Variants in CDKAL1 observed in about 807,000 individuals in gnomAD.
CDKAL1 encodes the protein threonylcarbamoyladenosine tRNA methylthiotransferase.
In CDKAL1, 32 loss-of-function variants were observed where a neutral mutation model predicts 68.2. That is an observed-to-expected ratio of 0.47 (90% CI 0.35 to 0.63). CDKAL1 has a LOEUF of 0.63. Among genes scored for constraint, CDKAL1 ranks in the 30% least tolerant of loss-of-function variants. The pLI, the probability that CDKAL1 is intolerant of heterozygous loss-of-function variation, is 0.00. For synonymous variants in CDKAL1, 234 were observed against 244.3 expected, an observed-to-expected ratio of 0.96 and a Z score of 0.39; for missense variants, 606 against 696.7, an observed-to-expected ratio of 0.87 and a Z score of 1.47.
At position 20,846,134 on chromosome 6, in the gene CDKAL1, A is replaced by T. The variant is rs1554129984; in HGVS notation, c.698A>T (p.Tyr233Phe). The change falls in exon 9 of 16, where the codon TAT becomes TTT. Residue 233 changes from tyrosine (Y) to phenylalanine (F), a missense_variant. By Grantham distance (22) the Tyr-to-Phe change is conservative (BLOSUM62 3). Coordinates refer to ENST00000274695, the MANE Select transcript of CDKAL1 (RefSeq NM_017774.3). Reference protein sequence around the residue: ...TKHARGNLASYPIDELVDRAK... With the variant: ...TKHARGNLASFPIDELVDRAK... ...CACGCCAGAGGAAATTTGGCCAGTT[A>T]TCCAATTGATGAACTAGTAGATAGA... 6.2e-7 allele frequency: 1 copy of T among 1,613,144 alleles called. No homozygotes were observed. The highest frequency in any genetic ancestry group is 8.5e-7 in the Non-Finnish European group (1 of 1,179,414).
At chr6:21,220,386 G>C (rs1298261433) in intron 15 of CDKAL1, among the ~76,000 whole-genome samples, 19 of 152,056 alleles carry the variant, frequency 1.2e-4, no homozygotes, top group Admixed American at 1.2e-3. Flanking sequence ...CCTTTTCTAC[G>C]TACCTCTCTT....
intron 7 of CDKAL1, among the ~76,000 whole-genome samples, chr6:20,760,451 C>T (rs912569399): frequency 1.3e-5 from 2 of 152,220 alleles, no homozygotes; most frequent in Non-Finnish European, 2.9e-5. Flanking sequence ...AAACACTTCA[C>T]ATGGGTTAAG....
intron 9 of CDKAL1, among the ~76,000 whole-genome samples, chr6:20,915,255 C>T (rs754049208): frequency 8.6e-5 from 13 of 151,912 alleles, no homozygotes; most frequent in Non-Finnish European, 1.6e-4. Flanking sequence ...ATGTATCAGT[C>T]AGAGATCTTC....
chr6:21,220,122 T>C (rs1282245207), intron 15 of CDKAL1, among the ~76,000 whole-genome samples: 1 of 152,210 alleles, frequency 6.6e-6, no homozygotes, highest in African/African-American at 2.4e-5. Flanking sequence ...ACTACTATCA[T>C]GAATGTTGGG....
chr6:20,719,832 AC>A (rs1484382350), intron 5 of CDKAL1, among the ~76,000 whole-genome samples: 1 of 152,108 alleles, frequency 6.6e-6, no homozygotes, highest in Non-Finnish European at 1.5e-5. Context: ...CACTCTCCTG[AC>A]TTTTATAATG....
intron 8 of CDKAL1, 105 bp downstream of exon 8, chr6:20,781,370 G>C: frequency 9.8e-7 from 1 of 1,017,496 alleles, no homozygotes; most frequent in Non-Finnish European, 1.4e-6. Flanking sequence ...CATTTTCTTG[G>C]GAAAGAAAAA....
intron 10 of CDKAL1, among the ~76,000 whole-genome samples, chr6:20,970,675 A>G (rs1765547903): frequency 6.6e-6 from 1 of 152,192 alleles, no homozygotes; most frequent in Non-Finnish European, 1.5e-5. Flanking sequence ...CAGGTTATTG[A>G]CAGCAAATGA....
rs9348435 is a variant in CDKAL1, at chr6:20,566,806, C to T, written c.286+18101C>T. 8.3e-3 allele frequency among the ~76,000 whole-genome samples: 1,261 copies of T among 152,082 alleles called. 27 individuals are homozygous for T. In the East Asian group the frequency reaches 0.1, roughly 12 times the overall value. On this transcript the variant is annotated intron_variant, in intron 4 of 15. Transcript: ENST00000274695. ...CTGTATGTGGTTCATAAATTCATGA[C>T]CTTAAGGTAGCAGAGACCAAGGCCT...
At chr6:21,125,470 C>G (rs1364594552) in intron 13 of CDKAL1, among the ~76,000 whole-genome samples, 1 of 152,040 alleles carries the variant, frequency 6.6e-6, no homozygotes, top group Non-Finnish European at 1.5e-5. Context: ...GTCGGGAGTT[C>G]GAGACCAGCC....
At position 20,955,603 on chromosome 6, in the gene CDKAL1, A is replaced by G. The variant is rs74748371; in HGVS notation, c.909+18A>G. 2.3e-4 allele frequency: 363 copies of G among 1,611,916 alleles called. 1 individual carries two copies. In the East Asian group the frequency reaches 8.0e-3, roughly 36 times the overall value. ...ATCTGGAGGTAAGGAAAAGCACCCTATTTGCATGCTAACATAGACACTAAC... is the reference window on the plus strand; with the variant it reads ...ATCTGGAGGTAAGGAAAAGCACCCTGTTTGCATGCTAACATAGACACTAAC... On this transcript the variant is annotated intron_variant, in intron 10 of 15. Coordinates refer to ENST00000274695, the MANE Select transcript of CDKAL1 (RefSeq NM_017774.3).
At chr6:20,860,933 A>ATTTTTTTTTTTTTTTTTTTTTTTTTTT (rs70990075) in intron 9 of CDKAL1, among the ~76,000 whole-genome samples, 1 of 134,230 alleles carries the variant, frequency 7.4e-6, no homozygotes, top group Non-Finnish European at 1.6e-5. Context: ...AGTGTGGTCT[A>ATTTTTTTTTTTTTTTTTTTTTTTTTTT]TTTTTTTTTT....
At chr6:21,078,244 A>G (rs922151424) in intron 12 of CDKAL1, among the ~76,000 whole-genome samples, 1 of 152,178 alleles carries the variant, frequency 6.6e-6, no homozygotes, top group African/African-American at 2.4e-5. Context: ...GCTTTTCGAG[A>G]CAGCTAAATT....
intron 9 of CDKAL1, among the ~76,000 whole-genome samples, chr6:20,865,440 A>G (rs1257313686): frequency 6.6e-6 from 1 of 152,188 alleles, no homozygotes; most frequent in Non-Finnish European, 1.5e-5. Context: ...AGCTGTTGCA[A>G]AAAGATTAAA....
chr6:20,644,193 C>T (rs898458557), intron 4 of CDKAL1, among the ~76,000 whole-genome samples: 2 of 150,532 alleles, frequency 1.3e-5, no homozygotes, highest in African/African-American at 2.5e-5. Flanking sequence ...CTCTTTAAGA[C>T]TGTAAACTCC....
intron 5 of CDKAL1, among the ~76,000 whole-genome samples, chr6:20,671,631 T>C (rs1028558704): frequency 1.3e-5 from 2 of 152,222 alleles, no homozygotes; most frequent in African/African-American, 2.4e-5. Flanking sequence ...TTATCTACGG[T>C]GTGAAGTATG....
At chr6:21,029,334 A>C (rs1232297995) in intron 11 of CDKAL1, among the ~76,000 whole-genome samples, 1 of 152,202 alleles carries the variant, frequency 6.6e-6, no homozygotes, top group African/African-American at 2.4e-5. Flanking sequence ...TGCTGGGATT[A>C]CAGGCATGAG....
At chr6:21,159,936 C>T (rs571686777) in intron 13 of CDKAL1, among the ~76,000 whole-genome samples, 7 of 152,304 alleles carry the variant, frequency 4.6e-5, no homozygotes, top group African/African-American at 1.7e-4. Flanking sequence ...CCTAGCTGCT[C>T]TTGAAAAAGA....
intron 13 of CDKAL1, among the ~76,000 whole-genome samples, chr6:21,132,052 T>C (rs915936238): frequency 4.6e-5 from 7 of 152,140 alleles, no homozygotes; most frequent in Non-Finnish European, 8.8e-5. Context: ...TAAAAATTTT[T>C]GATTTGAGAA....
chr6:20,676,536 A>G (rs183568427), intron 5 of CDKAL1, among the ~76,000 whole-genome samples: 2,714 of 152,060 alleles, frequency 0.018, 89 homozygotes, highest in African/African-American at 0.062. Context: ...GTGTGGTGGC[A>G]GGCGCCTGTG....
Sources: allele counts gnomAD v4.1 joint callset (sites outside exome capture counted in the v4.1 genomes callset), GRCh38; gene constraint gnomAD v4.1.1; transcripts MANE v1.5; gene names NCBI Gene and HGNC (gene_info 2026-07-23, HGNC 2026-07-21).